The following ASIC1 variants were observed in gnomAD, a reference collection of about 807,000 sequenced individuals.
The protein encoded by ASIC1 is acid-sensing ion channel 1.
A neutral mutation model predicts 63.4 loss-of-function variants in ASIC1; 21 were observed. The ratio of observed to expected loss-of-function variants is 0.33; its 90% confidence interval spans 0.23 to 0.48. ASIC1 has a LOEUF of 0.48. ASIC1 is among the 20% of genes least tolerant of loss of function. ASIC1 has a pLI of 0.99. For synonymous variants in ASIC1, 258 were observed against 278.2 expected, an observed-to-expected ratio of 0.93 and a Z score of 0.72; for missense variants, 478 against 695.5, an observed-to-expected ratio of 0.69 and a Z score of 3.52.
At position 50,059,250 on chromosome 12, in the gene ASIC1, C is replaced by T. The variant is rs961059719; in HGVS notation, c.362+122C>T. On this transcript the variant is annotated intron_variant, in intron 2 of 11. Coordinates refer to ENST00000447966, the MANE Select transcript of ASIC1 (RefSeq NM_001095.4). This position sits in a 1 kb window ranked among gnomAD's most constrained non-coding sequence, Gnocchi z 4.6. ...CCCTGCCCTTTAACCCACCCCCACCCCCAAACCTGCCACTCACAGCAGAGG... is the reference window on the plus strand; with the variant it reads ...CCCTGCCCTTTAACCCACCCCCACCTCCAAACCTGCCACTCACAGCAGAGG... 3.0e-6 allele frequency: 4 copies of T among 1,355,932 alleles called. No individual in the cohort carries two copies. The highest frequency in any genetic ancestry group is 2.9e-5 in the African/African-American group (2 of 68,854). 84.0% of individuals were successfully genotyped at this position (1,355,932 alleles called of 1,614,324 possible).
rs1354518964 is a variant in ASIC1, at chr12:50,081,173, G to A, written c.1369G>A (p.Ala457Thr). The A allele has an allele frequency of 1.7e-5, 27 of 1,611,840 alleles. No individual in the cohort carries two copies. Among genetic ancestry groups the A allele is most frequent in the Non-Finnish European group, 2.2e-5 (26 of 1,179,200 alleles). ...ILTVLELFDY[A>T]YEVIKHKLCR... The stretch of plus-strand genomic sequence containing the variant: ...CACGGTGCTGGAGCTCTTTGACTAC[G>A]CCTACGAGGTAAGCGGGGGCGAGGC... The change falls in exon 10 of 12, where the codon GCC becomes ACC. Residue 457 changes from alanine to threonine, a missense_variant. By Grantham distance (58) the Ala-to-Thr change is moderately conservative. Coordinates refer to ENST00000447966, the MANE Select transcript of ASIC1 (RefSeq NM_001095.4).
intron 3 of ASIC1, among the ~76,000 whole-genome samples, chr12:50,067,146 C>T (rs969643193): frequency 3.3e-5 from 5 of 152,122 alleles, no homozygotes; most frequent in African/African-American, 1.2e-4. Context: ...CAGCACCTGC[C>T]AGCTCCTATA....
intron 3 of ASIC1, among the ~76,000 whole-genome samples, chr12:50,075,320 G>T (rs757532805): frequency 6.6e-6 from 1 of 152,190 alleles, no homozygotes; most frequent in South Asian, 2.1e-4. Context: ...CTCTGGGCCC[G>T]AGAGTAGAGC....
chr12:50,059,860 G>C lies in ASIC1; in HGVS notation c.464G>C (p.Arg155Pro). Reference sequence around the variant, plus strand: ...TTCAAACCCAAACCCTTCAACATGCGTGAGTTCTACGACCGAGCTGGGCAC... The same window carrying C: ...TTCAAACCCAAACCCTTCAACATGCCTGAGTTCTACGACCGAGCTGGGCAC... Reference protein sequence around the residue: ...RSFKPKPFNMREFYDRAGHDI... With the variant: ...RSFKPKPFNMPEFYDRAGHDI... Residue 155 changes from arginine (R) to proline (P), a missense_variant, in exon 3 of 12, where the codon CGT becomes CCT. By Grantham distance (103) the Arg-to-Pro change is moderately radical. Coordinates refer to ENST00000447966, the MANE Select transcript of ASIC1 (RefSeq NM_001095.4). This position sits in a 1 kb window ranked among gnomAD's most constrained non-coding sequence, Gnocchi z 4.6. The C allele has an allele frequency of 6.2e-7, 1 of 1,614,204 alleles. No individual in the cohort carries two copies. Among genetic ancestry groups the C allele is most frequent in the East Asian group, 2.2e-5 (1 of 44,892 alleles).
intron 3 of ASIC1, among the ~76,000 whole-genome samples, chr12:50,062,999 C>T (rs548749148): frequency 6.6e-6 from 1 of 152,170 alleles, no homozygotes; most frequent in Admixed American, 6.5e-5. Flanking sequence ...CAGGGAGTAT[C>T]CCCACAGCAA....
In ASIC1 at chr12:50,059,789, T is replaced by C; in HGVS notation, c.393T>C (p.Asp131=). The part of the protein sequence containing the change: ...RYEIPDTQMA[D]EKQLEILQDK... Reference sequence around the variant, plus strand: ...AGATACCAGACACACAGATGGCAGATGAAAAGCAGCTGGAGATACTGCAGG... The same window carrying C: ...AGATACCAGACACACAGATGGCAGACGAAAAGCAGCTGGAGATACTGCAGG... The change falls in exon 3 of 12, where the codon GAT becomes GAC. Residue 131 remains aspartate (D), a synonymous_variant. Coordinates refer to ENST00000447966, the MANE Select transcript of ASIC1 (RefSeq NM_001095.4). The surrounding 1 kb of genome is among the most constrained non-coding windows in gnomAD (Gnocchi z 4.6). The C allele has an allele frequency of 3.1e-6, 5 of 1,613,926 alleles. No homozygotes were observed. In the South Asian group the frequency reaches 4.4e-5, roughly 14 times the overall value.
intron 3 of ASIC1, chr12:50,076,861 C>A (rs1469505846): frequency 4.5e-6 from 2 of 447,566 alleles, no homozygotes; most frequent in Admixed American, 4.9e-5. Context: ...GCCTAAGGCA[C>A]TACTAGAGCT....
chr12:50,066,137 A>G (rs1463537968), intron 3 of ASIC1, among the ~76,000 whole-genome samples: 1 of 152,172 alleles, frequency 6.6e-6, no homozygotes, highest in African/African-American at 2.4e-5. Flanking sequence ...AGCAAAATTA[A>G]TCATCTCTTT....
At chr12:50,061,524 G>A (rs1950500880) in intron 3 of ASIC1, among the ~76,000 whole-genome samples, 1 of 152,198 alleles carries the variant, frequency 6.6e-6, no homozygotes, top group South Asian at 2.1e-4. Context: ...AGAGTAACAG[G>A]ACTGTAGGTG....
At chr12:50,073,184 G>C (rs911330054) in intron 3 of ASIC1, among the ~76,000 whole-genome samples, 1 of 152,086 alleles carries the variant, frequency 6.6e-6, no homozygotes, top group African/African-American at 2.4e-5. Context: ...GCTAGGTCCC[G>C]TCTCACCTGG....
chr12:50,079,206 G>C (rs1950689470), intron 7 of ASIC1, among the ~76,000 whole-genome samples: 1 of 152,090 alleles, frequency 6.6e-6, no homozygotes, highest in Non-Finnish European at 1.5e-5. Context: ...GAGCCCAGGA[G>C]TTCGAGACCA....
Position 50,059,226 on chromosome 12 carries a change from C to G in ASIC1, c.362+98C>G. 2.7e-6 allele frequency: 4 copies of G among 1,506,430 alleles called. No individual in the cohort carries two copies. Among genetic ancestry groups the G allele is most frequent in the Non-Finnish European group, 3.6e-6 (4 of 1,124,854 alleles). The allele number at this position is 1,506,430 out of a possible 1,614,324, so 93.3% of individuals were successfully genotyped here. ...TGACCCACCATAGAGCCCAGCCAAC[C>G]CTGCCCTTTAACCCACCCCCACCCC... On this transcript the variant is annotated intron_variant, in intron 2 of 11. Transcript: ENST00000447966. This position sits in a 1 kb window ranked among gnomAD's most constrained non-coding sequence, Gnocchi z 4.6.
At position 50,073,286 on chromosome 12, in the gene ASIC1, G is replaced by C. The variant is rs141202188; in HGVS notation, c.559-3927G>C. Among the ~76,000 whole-genome samples, 19 of 152,250 alleles carry C rather than the reference G, an allele frequency of 1.2e-4. No homozygotes were observed. In the East Asian group the frequency reaches 3.7e-3, roughly 29 times the overall value. The stretch of plus-strand genomic sequence containing the variant: ...TCTGTGCTGCCGGAGCTGGTGACAG[G>C]AAAGGGGCTCCAGCCCCCTGCTCTC... On this transcript the variant is annotated intron_variant, in intron 3 of 11. Coordinates refer to ENST00000447966, the MANE Select transcript of ASIC1 (RefSeq NM_001095.4).
intron 3 of ASIC1, among the ~76,000 whole-genome samples, chr12:50,075,393 T>C (rs576281570): frequency 1.3e-5 from 2 of 152,316 alleles, no homozygotes; most frequent in Admixed American, 1.3e-4. Context: ...AGCCCTGTCC[T>C]CTGAACCGGC....
rs976748546 is a variant in ASIC1 at position 50,083,310 on chromosome 12, C to G, written c.*1661C>G. 9 of 152,292 alleles carry G rather than the reference C, an allele frequency of 5.9e-5. No individual in the cohort carries two copies. Among genetic ancestry groups the G allele is most frequent in the Non-Finnish European group, 1.0e-4 (7 of 68,092 alleles). 9.4% of individuals were successfully genotyped at this position (152,292 alleles called of 1,614,324 possible). On this transcript the variant is annotated 3_prime_UTR_variant, in exon 12 of 12. Coordinates refer to ENST00000447966, the MANE Select transcript of ASIC1 (RefSeq NM_001095.4). ...ACAAGTGAGGTGGAGGGCCTGCCCC[C>G]CCTCCCTCCACCAGACACTCCTTCC...
chr12:50,081,538 C>A lies in ASIC1; in HGVS notation c.1483-7C>A. ...TAACCCGTCCCTGTCCTGTCCCCTT[C>A]CCCCAGAACCCGTGCGAGAGCCTTC... On this transcript the variant is annotated splice_region_variant and splice_polypyrimidine_tract_variant and intron_variant, in intron 11 of 11. Transcript: ENST00000447966. The A allele has an allele frequency of 6.2e-7, 1 of 1,611,970 alleles. No individual in the cohort carries two copies. Among genetic ancestry groups the A allele is most frequent in the Non-Finnish European group, 8.5e-7 (1 of 1,178,874 alleles).
At chr12:50,073,438 G>A in intron 3 of ASIC1, 2 of 1,412,740 alleles carry the variant, frequency 1.4e-6, no homozygotes, top group Non-Finnish European at 9.2e-7. Flanking sequence ...CCCTGGTGAG[G>A]AAGGACGGCC....
intron 3 of ASIC1, among the ~76,000 whole-genome samples, chr12:50,064,979 G>T (rs777741388): frequency 6.6e-6 from 1 of 152,124 alleles, no homozygotes; most frequent in African/African-American, 2.4e-5. Context: ...GCCCAGTGGG[G>T]TGGGCTTCAG....
At position 50,057,623 on chromosome 12, in the gene ASIC1, C is replaced by G. The variant is rs1303440688; in HGVS notation, c.-310C>G. 3.9e-5 allele frequency: 6 copies of G among 152,140 alleles called. No homozygotes were observed. The highest frequency in any genetic ancestry group is 1.4e-4 in the African/African-American group (6 of 41,420). 9.4% of individuals were successfully genotyped at this position (152,140 alleles called of 1,614,324 possible). A position where few individuals can be genotyped will look rare whatever the true frequency, so the allele number is the denominator to read the frequency against. On this transcript the variant is annotated 5_prime_UTR_variant, in exon 1 of 12. Transcript: ENST00000447966. This position sits in a 1 kb window ranked among gnomAD's most constrained non-coding sequence, Gnocchi z 4.7. The stretch of plus-strand genomic sequence containing the variant: ...CCCTCCCCTCCCGCCGCCTCCCGGC[C>G]GGACGATGGATCCCTGCAGATCCCA...
Sources: gnomAD v4.1 joint callset for allele counts (sites outside exome capture counted in the v4.1 genomes callset) on GRCh38, gnomAD v4.1.1 for gene constraint, Gnocchi (gnomAD v3.1) non-coding constraint, MANE v1.5 for transcripts, NCBI Gene and HGNC (gene_info 2026-07-23, HGNC 2026-07-21) for gene names.